Variants in FBN2 observed in about 807,000 individuals in gnomAD.
FBN2 encodes fibrillin-2.
A neutral mutation model predicts 355.6 loss-of-function variants in FBN2; 105 were observed. That is an observed-to-expected ratio of 0.30 (90% CI 0.25 to 0.35). FBN2 has a LOEUF of 0.35. Among genes scored for constraint, FBN2 ranks in the 10% least tolerant of loss-of-function variants. The probability of loss-of-function intolerance (pLI) is 1.00; values close to 1 mark genes in which losing one functional copy is unlikely to be tolerated. For missense variants in FBN2, 3,280 were observed against 3,758.7 expected (o/e 0.87, Z 3.33); for synonymous variants, 1,350 against 1,301.2 (o/e 1.04, Z -0.81).
At chr5:128,461,296 CAAT>C (rs1754547844) in intron 6 of FBN2, among the ~76,000 whole-genome samples, 1 of 152,118 alleles carries the variant, frequency 6.6e-6, no homozygotes, top group Non-Finnish European at 1.5e-5. Flanking sequence ...ATCAAAACCA[CAAT>C]GAGATACCAT....
At chr5:128,358,974 G>C (rs1391558015) in intron 19 of FBN2, among the ~76,000 whole-genome samples, 3 of 151,892 alleles carry the variant, frequency 2.0e-5, no homozygotes, top group African/African-American at 7.2e-5. Context: ...ATGGAACCAG[G>C]AATTGAAACA....
chr5:128,260,311 G>A (rs1764933131), intron 64 of FBN2, among the ~76,000 whole-genome samples: 1 of 152,098 alleles, frequency 6.6e-6, no homozygotes, highest in Non-Finnish European at 1.5e-5. Flanking sequence ...AGTGAATGAT[G>A]AGTGAGTTTA....
intron 6 of FBN2, among the ~76,000 whole-genome samples, chr5:128,462,826 T>G (rs1754594431): frequency 6.6e-6 from 1 of 152,188 alleles, no homozygotes; most frequent in African/African-American, 2.4e-5. Context: ...AACTGTTTCT[T>G]TCTCTGAAAT....
intron 17 of FBN2, 90 bp from the exon 18 acceptor site, chr5:128,364,815 GA>G (rs1324928545): frequency 8.8e-7 from 1 of 1,133,468 alleles, no homozygotes; most frequent in Admixed American, 1.9e-5. Flanking sequence ...TTCAACATAT[GA>G]AGTGTTTAAC....
rs1057003873 is a variant in FBN2 at position 128,274,425 on chromosome 5, A to T, written c.7711+142T>A. The stretch of plus-strand genomic sequence containing the variant: ...TGTTCTTGAAAATATCTATCTTATT[A>T]GCAACTTCTTTAGACCACAAATTAT... On this transcript the variant is annotated intron_variant, in intron 60 of 64. Coordinates refer to ENST00000262464, the MANE Select transcript of FBN2 (RefSeq NM_001999.4). The T allele has an allele frequency of 2.1e-5, 14 of 670,768 alleles. No individual in the cohort carries two copies. In the African/African-American group the frequency reaches 2.5e-4, roughly 12 times the overall value. 41.6% of individuals were successfully genotyped at this position (670,768 alleles called of 1,614,324 possible).
At chr5:128,484,839 C>T (rs1000193681) in intron 5 of FBN2, among the ~76,000 whole-genome samples, 2 of 152,122 alleles carry the variant, frequency 1.3e-5, no homozygotes, top group African/African-American at 2.4e-5. Flanking sequence ...GGCTCTTGTG[C>T]ACTCCGTAGC....
intron 25 of FBN2, among the ~76,000 whole-genome samples, chr5:128,340,405 T>C (rs27913): frequency 0.79 from 120,272 of 152,124 alleles, 47,823 homozygotes; most frequent in East Asian, 0.93. Context: ...ACTGGCCATG[T>C]GAAAAAAATG....
At chr5:128,270,008 T>C (rs1428372172) in intron 62 of FBN2, among the ~76,000 whole-genome samples, 1 of 152,106 alleles carries the variant, frequency 6.6e-6, no homozygotes, top group Non-Finnish European at 1.5e-5. Context: ...TATAGACCAA[T>C]GGCACAGAAC....
At chr5:128,473,567 G>C (rs1372761360) in intron 5 of FBN2, among the ~76,000 whole-genome samples, 1 of 152,174 alleles carries the variant, frequency 6.6e-6, no homozygotes, top group Non-Finnish European at 1.5e-5. Flanking sequence ...CCAAGTGCTT[G>C]TGTGCTTTTA....
chr5:128,514,813 T>C (rs1756235856), intron 5 of FBN2, among the ~76,000 whole-genome samples: 1 of 152,216 alleles, frequency 6.6e-6, no homozygotes, highest in Non-Finnish European at 1.5e-5. Context: ...GTTTTATTTC[T>C]AAATTACTTT....
intron 5 of FBN2, among the ~76,000 whole-genome samples, chr5:128,504,031 G>C (rs1170081816): frequency 6.6e-6 from 1 of 152,144 alleles, no homozygotes; most frequent in Non-Finnish European, 1.5e-5. Context: ...GGCTAAAAGG[G>C]GCCAATGTAC....
intron 15 of FBN2, among the ~76,000 whole-genome samples, chr5:128,371,863 A>G (rs895146653): frequency 1.3e-5 from 2 of 152,158 alleles, no homozygotes; most frequent in Non-Finnish European, 2.9e-5. Context: ...GAAAAGATTT[A>G]AAAATTTCTT....
intron 5 of FBN2, among the ~76,000 whole-genome samples, chr5:128,478,490 A>C (rs1755064277): frequency 6.6e-6 from 1 of 152,196 alleles, no homozygotes; most frequent in African/African-American, 2.4e-5. Context: ...ATGAGGAAAT[A>C]AAATCCAGAA....
chr5:128,444,047 A>ACT (rs1753996514), intron 7 of FBN2, among the ~76,000 whole-genome samples: 1 of 132,994 alleles, frequency 7.5e-6, no homozygotes, highest in African/African-American at 3.1e-5. Context: ...AGCAAATATC[A>ACT]CTTGTTCTTT....
At chr5:128,309,541 A>G (rs1749975998) in intron 40 of FBN2, 142 bp from the exon 41 acceptor site, 2 of 673,166 alleles carry the variant, frequency 3.0e-6, no homozygotes. Context: ...TCTTAAAATA[A>G]CTCCTTAAAC....
At chr5:128,300,545 G>A (rs1038375473) in intron 48 of FBN2, among the ~76,000 whole-genome samples, 5 of 152,156 alleles carry the variant, frequency 3.3e-5, no homozygotes, top group African/African-American at 7.2e-5. Context: ...ACTGAAAGTC[G>A]CTGCTGACAT....
intron 9 of FBN2, 79 bp downstream of exon 9, chr5:128,395,043 C>T: frequency 6.5e-7 from 1 of 1,543,254 alleles, no homozygotes; most frequent in Middle Eastern, 1.7e-4. Context: ...GCCTTGGTCT[C>T]CCAGAGAGCA....
chr5:128,266,177 G>A (rs1765110051), intron 62 of FBN2, among the ~76,000 whole-genome samples: 1 of 152,174 alleles, frequency 6.6e-6, no homozygotes, highest in Non-Finnish European at 1.5e-5. Context: ...AAGAAAGTCA[G>A]CAATTTTATT....
chr5:128,460,004 G>C (rs1754514967), intron 6 of FBN2, among the ~76,000 whole-genome samples: 1 of 152,126 alleles, frequency 6.6e-6, no homozygotes, highest in Non-Finnish European at 1.5e-5. Flanking sequence ...TATTTAAATA[G>C]GAAGAGATGA....
Sources: allele counts gnomAD v4.1 joint callset (sites outside exome capture counted in the v4.1 genomes callset), GRCh38; gene constraint gnomAD v4.1.1; transcripts MANE v1.5; gene names NCBI Gene and HGNC (gene_info 2026-07-23, HGNC 2026-07-21).